The following DAAM1 variants were observed in gnomAD, a reference collection of about 807,000 sequenced individuals.
The protein encoded by DAAM1 is disheveled-associated activator of morphogenesis 1.
Under a neutral mutation model 130.0 loss-of-function variants are expected in DAAM1, and 52 were observed. That is an observed-to-expected ratio of 0.40 (90% CI 0.32 to 0.50). The LOEUF (loss-of-function observed/expected upper bound fraction) is 0.50. Among genes scored for constraint, DAAM1 ranks in the 20% least tolerant of loss-of-function variants. The pLI, the probability that DAAM1 is intolerant of heterozygous loss-of-function variation, is 0.61. For missense variants in DAAM1, 1,134 were observed against 1,303.8 expected (o/e 0.87, Z 2.01); for synonymous variants, 452 against 444.5 (o/e 1.02, Z -0.21).
chr14:59,313,258 G>GGA lies in DAAM1; in HGVS notation c.274-2019_274-2018dup, dbSNP rs142887768. On this transcript the variant is annotated intron_variant, in intron 3 of 24. Transcript: ENST00000360909. The stretch of plus-strand genomic sequence containing the variant: ...GGACCAGTATTGCACAGGGGAAACT[G>GGA]GAGATACATTGCCCAAATTAAGAAC... Among the ~76,000 whole-genome samples the GGA allele has an allele frequency of 6.5e-3, 983 of 152,256 alleles. 15 individuals are homozygous for GGA. The highest frequency in any genetic ancestry group is 0.023 in the African/African-American group (952 of 41,544).
At chr14:59,257,027 G>A (rs17095960) in intron 1 of DAAM1, among the ~76,000 whole-genome samples, 9,528 of 152,238 alleles carry the variant, frequency 0.063, 391 homozygotes, top group Non-Finnish European at 0.093. Flanking sequence ...AGCTAGTTTG[G>A]CCAGAAACTC....
At chr14:59,236,205 T>A (rs375043035) in intron 1 of DAAM1, among the ~76,000 whole-genome samples, 9 of 152,232 alleles carry the variant, frequency 5.9e-5, no homozygotes, top group African/African-American at 2.2e-4. Flanking sequence ...CTTCAGGTAA[T>A]TTTTAGCAGA....
intron 1 of DAAM1, among the ~76,000 whole-genome samples, chr14:59,240,682 T>C (rs1881071796): frequency 6.6e-6 from 1 of 152,230 alleles, no homozygotes; most frequent in African/African-American, 2.4e-5. Flanking sequence ...ATGGTGCTTA[T>C]ATGTCATGAT....
chr14:59,204,400 C>T (rs1423615589), intron 1 of DAAM1, among the ~76,000 whole-genome samples: 1 of 152,224 alleles, frequency 6.6e-6, no homozygotes, highest in East Asian at 1.9e-4. Context: ...TGGCAGTTCA[C>T]AGTGTGGATG....
intron 15 of DAAM1, among the ~76,000 whole-genome samples, chr14:59,336,660 T>C (rs1267801775): frequency 6.6e-6 from 1 of 152,254 alleles, no homozygotes; most frequent in African/African-American, 2.4e-5. Flanking sequence ...GAAAATGTAT[T>C]ACATAGTTAT....
At position 59,327,584 on chromosome 14, in the gene DAAM1, T is replaced by C. The variant is rs1170240486; in HGVS notation, c.1372+593T>C. The stretch of plus-strand genomic sequence containing the variant: ...CATCACATCCGGCTAATTTTTTGTA[T>C]TTTTATTAGAGATGGGGTTTCACTA... On this transcript the variant is annotated intron_variant, in intron 12 of 24. Coordinates refer to ENST00000360909, the MANE Select transcript of DAAM1 (RefSeq NM_001270520.2). 5.3e-5 allele frequency among the ~76,000 whole-genome samples: 8 copies of C among 152,074 alleles called. No individual in the cohort carries two copies. In the East Asian group the frequency reaches 1.2e-3, roughly 22 times the overall value.
intron 2 of DAAM1, chr14:59,263,913 C>G: frequency 3.8e-6 from 2 of 524,172 alleles, no homozygotes. Context: ...ACCTTCAGTT[C>G]TTCAAATATG....
At chr14:59,273,596 A>G (rs1445760872) in intron 2 of DAAM1, among the ~76,000 whole-genome samples, 3 of 152,190 alleles carry the variant, frequency 2.0e-5, no homozygotes, top group Non-Finnish European at 4.4e-5. Context: ...AAATCTGACT[A>G]TTTAACTTAG....
rs768156974 is a variant in DAAM1 at position 59,291,556 on chromosome 14, G to A, written c.273+250G>A. ...ATGTGTAACTGAAACCCAAAATAAC[G>A]TTTGCTTACACAAGACAAATTCCCC... On this transcript the variant is annotated intron_variant, in intron 3 of 24. Coordinates refer to ENST00000360909, the MANE Select transcript of DAAM1 (RefSeq NM_001270520.2). 182 of 431,280 alleles carry A rather than the reference G, an allele frequency of 4.2e-4. 2 individuals carry two copies. Among genetic ancestry groups the A allele is most frequent in the Non-Finnish European group, 2.9e-4 (70 of 241,456 alleles). The allele number at this position is 431,280 out of a possible 1,614,324, so 26.7% of individuals were successfully genotyped here. A position where few individuals can be genotyped will look rare whatever the true frequency, so the allele number is the denominator to read the frequency against.
intron 3 of DAAM1, among the ~76,000 whole-genome samples, chr14:59,294,072 T>C (rs1407091209): frequency 1.3e-5 from 2 of 152,308 alleles, no homozygotes; most frequent in South Asian, 2.1e-4. Context: ...AAGATTAGAA[T>C]ACAGGGCATT....
chr14:59,300,654 T>C (rs1283647962), intron 3 of DAAM1, among the ~76,000 whole-genome samples: 3 of 152,156 alleles, frequency 2.0e-5, no homozygotes, highest in Non-Finnish European at 4.4e-5. Context: ...CACCTCAGAT[T>C]TTTTTTAAAA....
intron 1 of DAAM1, among the ~76,000 whole-genome samples, chr14:59,223,610 G>A (rs1016837843): frequency 1.3e-5 from 2 of 152,212 alleles, no homozygotes; most frequent in East Asian, 3.8e-4. Flanking sequence ...CTATTGCAGA[G>A]CTTTATCCCA....
intron 3 of DAAM1, among the ~76,000 whole-genome samples, chr14:59,312,885 G>A (rs962954225): frequency 6.6e-6 from 1 of 152,220 alleles, no homozygotes; most frequent in Non-Finnish European, 1.5e-5. Context: ...GATAATGGGA[G>A]CAAAGTATAT....
chr14:59,286,442 T>A (rs1156851421), intron 2 of DAAM1, among the ~76,000 whole-genome samples: 1 of 151,888 alleles, frequency 6.6e-6, no homozygotes, highest in Non-Finnish European at 1.5e-5. Context: ...CTAAACTGAA[T>A]GAAATTGAGA....
At chr14:59,330,852 G>C (rs1362857234) in intron 13 of DAAM1, among the ~76,000 whole-genome samples, 164 bp downstream of exon 13, 2 of 152,222 alleles carry the variant, frequency 1.3e-5, no homozygotes, top group Non-Finnish European at 2.9e-5. Flanking sequence ...GTAGGCAGCA[G>C]AGGCTGTTTG....
rs533245282 is a variant in DAAM1 at position 59,260,951 on chromosome 14, T to A, written c.-37-2490T>A. Among the ~76,000 whole-genome samples the A allele has an allele frequency of 2.0e-4, 31 of 152,130 alleles. No individual in the cohort carries two copies. The South Asian group carries it at 6.4e-3, about 32-fold the overall frequency. Reference sequence around the variant, plus strand: ...ATGGAAAATGGCCTGTTGAGTAAAGTGTAGGATATTTTTGAGGAAGTAGGA... The same window carrying A: ...ATGGAAAATGGCCTGTTGAGTAAAGAGTAGGATATTTTTGAGGAAGTAGGA... On this transcript the variant is annotated intron_variant, in intron 1 of 24. Coordinates refer to ENST00000360909, the MANE Select transcript of DAAM1 (RefSeq NM_001270520.2).
At chr14:59,341,412 T>G (rs12884776) in intron 16 of DAAM1, among the ~76,000 whole-genome samples, 2 of 152,218 alleles carry the variant, frequency 1.3e-5, no homozygotes, top group African/African-American at 2.4e-5. Context: ...CCCCCCCTTA[T>G]CCACAGTTTC....
chr14:59,340,442 C>G (rs1395102427), intron 16 of DAAM1, among the ~76,000 whole-genome samples: 1 of 152,272 alleles, frequency 6.6e-6, no homozygotes, highest in Middle Eastern at 3.4e-3. Flanking sequence ...TCTTTTCTTC[C>G]CAGAAAGCCT....
chr14:59,349,565 C>T (rs1396447545), intron 17 of DAAM1, among the ~76,000 whole-genome samples: 1 of 152,238 alleles, frequency 6.6e-6, no homozygotes, highest in African/African-American at 2.4e-5. Context: ...ACACTCTTCC[C>T]AGACAAGTGT....
Sources: gnomAD v4.1 joint callset for allele counts (sites outside exome capture counted in the v4.1 genomes callset) on GRCh38, gnomAD v4.1.1 for gene constraint, MANE v1.5 for transcripts, NCBI Gene and HGNC (gene_info 2026-07-23, HGNC 2026-07-21) for gene names.